CCDC73: variants seen among roughly 807,000 people sequenced by gnomAD.
CCDC73 encodes coiled-coil domain-containing protein 73.
CCDC73 carries 95 observed loss-of-function variants against 116.5 expected under a neutral mutation model. The observed-to-expected ratio is 0.82, with a 90% CI of 0.69 to 0.97. CCDC73 has a LOEUF of 0.97. Among genes scored for constraint, CCDC73 ranks in the 50% least tolerant of loss-of-function variants. The probability of loss-of-function intolerance (pLI) is 0.00; values close to 1 mark genes in which losing one functional copy is unlikely to be tolerated. For missense variants in CCDC73, 1,066 were observed against 1,206.8 expected (o/e 0.88, Z 1.73); for synonymous variants, 398 against 401.3 (o/e 0.99, Z 0.10).
chr11:32,709,086 G>A (rs745918324), intron 3 of CCDC73, among the ~76,000 whole-genome samples: 1 of 152,100 alleles, frequency 6.6e-6, no homozygotes, highest in Non-Finnish European at 1.5e-5. Flanking sequence ...CTTCTATGAT[G>A]ATTTTGCTGA....
At chr11:32,825,215 C>T in the CCDC73 span, among the ~76,000 whole-genome samples, 1 of 150,798 alleles carries the variant, frequency 6.6e-6, no homozygotes, top group African/African-American at 2.4e-5. Flanking sequence ...TGGTATATTT[C>T]CTAATAGAAC....
chr11:32,729,967 C>T (rs1850061122), intron 2 of CCDC73, among the ~76,000 whole-genome samples: 1 of 152,208 alleles, frequency 6.6e-6, no homozygotes, highest in Non-Finnish European at 1.5e-5. Flanking sequence ...AGCCTTACAG[C>T]ATCCAGTCAA....
chr11:32,606,806 CTTTTTTT>C (rs10591021), intron 17 of CCDC73, among the ~76,000 whole-genome samples: 4 of 101,052 alleles, frequency 4.0e-5, no homozygotes, highest in East Asian at 2.5e-4. Flanking sequence ...AAAATAAATT[CTTTTTTT>C]TTTTTTTTTT....
At chr11:32,804,554 A>G in the CCDC73 span, among the ~76,000 whole-genome samples, 2 of 152,198 alleles carry the variant, frequency 1.3e-5, no homozygotes, top group African/African-American at 4.8e-5. Flanking sequence ...TTAATAGCCA[A>G]CTGACCCTAC....
intron 1 of CCDC73, among the ~76,000 whole-genome samples, chr11:32,762,245 A>T (rs1272016610): frequency 6.6e-6 from 1 of 152,216 alleles, no homozygotes; most frequent in Non-Finnish European, 1.5e-5. Flanking sequence ...AAAAATTCTA[A>T]ATAAAACATT....
chr11:32,678,906 A>ATG (rs1856118599), intron 7 of CCDC73, among the ~76,000 whole-genome samples: 3 of 150,710 alleles, frequency 2.0e-5, no homozygotes, highest in Non-Finnish European at 4.4e-5. Context: ...AAATATATAT[A>ATG]TATACACACA....
chr11:32,704,358 G>C (rs1156500605), intron 3 of CCDC73, among the ~76,000 whole-genome samples: 1 of 152,238 alleles, frequency 6.6e-6, no homozygotes, highest in East Asian at 1.9e-4. Context: ...TGTCCTGATA[G>C]CCAAGCCTGG....
chr11:32,620,878 A>G (rs1376190094), intron 14 of CCDC73, among the ~76,000 whole-genome samples: 3 of 152,154 alleles, frequency 2.0e-5, no homozygotes, highest in Non-Finnish European at 4.4e-5. Context: ...CTATATGCCA[A>G]CAATAGACAA....
intron 1 of CCDC73, among the ~76,000 whole-genome samples, chr11:32,794,178 T>G (rs1850702032): frequency 6.6e-6 from 1 of 152,166 alleles, no homozygotes; most frequent in African/African-American, 2.4e-5. Flanking sequence ...TTCCAAATGT[T>G]GCTAACTCTG....
chr11:32,805,194 C>G, the CCDC73 span, among the ~76,000 whole-genome samples: 1 of 152,172 alleles, frequency 6.6e-6, no homozygotes, highest in Non-Finnish European at 1.5e-5. Flanking sequence ...GGCAGTTACC[C>G]AGATAATTAA....
intron 9 of CCDC73, among the ~76,000 whole-genome samples, chr11:32,665,789 G>A (rs1855975556): frequency 1.3e-5 from 2 of 152,086 alleles, no homozygotes; most frequent in African/African-American, 4.8e-5. Flanking sequence ...TTTTGCGGTG[G>A]CTGGTACTGG....
In CCDC73 at chr11:32,698,189, T is replaced by C. The variant is rs190249786; in HGVS notation, c.390+1062A>G. 3.4e-4 allele frequency among the ~76,000 whole-genome samples: 51 copies of C among 151,370 alleles called. No homozygotes were observed. The East Asian group carries it at 9.2e-3, about 27-fold the overall frequency. ...ACAGGCGCCCGCCACCACGCCCAGC[T>C]AATTTTTTGTATTTTTAGTAGAGAC... On this transcript the variant is annotated intron_variant, in intron 6 of 17. Transcript: ENST00000335185.
At chr11:32,829,961 C>T in the CCDC73 span, 1 of 985,650 alleles carries the variant, frequency 1.0e-6, no homozygotes, top group Non-Finnish European at 1.2e-6. Context: ...GAGGCAGGAC[C>T]TCACCCCGCG....
At chr11:32,722,005 G>A (rs754207107) in intron 2 of CCDC73, among the ~76,000 whole-genome samples, 2 of 152,064 alleles carry the variant, frequency 1.3e-5, no homozygotes, top group East Asian at 3.8e-4. Context: ...CATTTAGAAC[G>A]TTTTTAGCCG....
At position 32,635,757 on chromosome 11, in the gene CCDC73, A is replaced by T. The variant is rs1855671888; in HGVS notation, c.1124T>A (p.Leu375Ter). The T allele has an allele frequency of 2.3e-6, 3 of 1,288,842 alleles. 1 individual carries two copies. The Admixed American group carries it at 9.6e-5, about 41-fold the overall frequency. 79.8% of individuals were successfully genotyped at this position (1,288,842 alleles called of 1,614,324 possible). ...GCATAATTTGTTATAATGTTCTTGT[A>T]ACTTAATATGAGTTTCTTTAAGGGA... ...LSSLKETHIK[L>*]QEHYNKLCNQ... Residue 375 changes from leucine to a stop codon, truncating the protein, a stop_gained, in exon 14 of 18, where the codon TTA becomes TAA. Coordinates refer to ENST00000335185, the MANE Select transcript of CCDC73 (RefSeq NM_001008391.4). LOFTEE classifies it high-confidence loss of function.
chr11:32,666,532 A>G (rs1283785605), intron 9 of CCDC73, among the ~76,000 whole-genome samples: 3 of 152,100 alleles, frequency 2.0e-5, no homozygotes, highest in Non-Finnish European at 4.4e-5. Flanking sequence ...GGACTTTTCT[A>G]AACTGGTTAT....
intron 1 of CCDC73, among the ~76,000 whole-genome samples, chr11:32,771,465 G>A (rs1318679939): frequency 6.6e-6 from 1 of 152,142 alleles, no homozygotes; most frequent in Non-Finnish European, 1.5e-5. Flanking sequence ...ATGAACTAGT[G>A]ACTGCTAAAT....
At chr11:32,815,210 T>A in the CCDC73 span, among the ~76,000 whole-genome samples, 2 of 152,200 alleles carry the variant, frequency 1.3e-5, no homozygotes, top group Non-Finnish European at 2.9e-5. Flanking sequence ...ATTTTTAACA[T>A]TGAAAAGGAG....
chr11:32,709,803 G>A (rs1232316608), intron 3 of CCDC73, among the ~76,000 whole-genome samples: 1 of 152,208 alleles, frequency 6.6e-6, no homozygotes, highest in African/African-American at 2.4e-5. Flanking sequence ...TTGAATGTCT[G>A]ACAGAATTCA....
Sources: allele counts gnomAD v4.1 joint callset (sites outside exome capture counted in the v4.1 genomes callset), GRCh38; gene constraint gnomAD v4.1.1; transcripts MANE v1.5; gene names NCBI Gene and HGNC (gene_info 2026-07-23, HGNC 2026-07-21).